Variants in PUS7 observed in about 807,000 individuals in gnomAD.
PUS7 encodes the protein pseudouridylate synthase 7 homolog.
PUS7 carries 48 observed loss-of-function variants against 79.8 expected under a neutral mutation model. The observed-to-expected ratio is 0.60, with a 90% CI of 0.48 to 0.76. The LOEUF (loss-of-function observed/expected upper bound fraction) is 0.76, where lower values mean the gene tolerates loss of function less well. Among genes scored for constraint, PUS7 ranks in the 30% least tolerant of loss-of-function variants. PUS7 has a pLI of 0.00. For synonymous variants in PUS7, 286 were observed against 272.2 expected, an observed-to-expected ratio of 1.05 and a Z score of -0.50; for missense variants, 729 against 797.6, an observed-to-expected ratio of 0.91 and a Z score of 1.04.
chr7:105,503,329 G>A (rs1201058139), intron 4 of PUS7, among the ~76,000 whole-genome samples: 1 of 152,148 alleles, frequency 6.6e-6, no homozygotes, highest in Non-Finnish European at 1.5e-5. Context: ...TGGTATGTGA[G>A]AAGCTCAGTC....
intron 1 of PUS7, among the ~76,000 whole-genome samples, chr7:105,511,315 G>A (rs916008052): frequency 6.6e-6 from 1 of 151,538 alleles, no homozygotes; most frequent in Non-Finnish European, 1.5e-5. Context: ...TTACAGGCGT[G>A]AGCCACCGCA....
chr7:105,463,759 G>T (rs1477003834), intron 13 of PUS7, among the ~76,000 whole-genome samples: 1 of 151,684 alleles, frequency 6.6e-6, no homozygotes, highest in Non-Finnish European at 1.5e-5. Flanking sequence ...TGAATATGAG[G>T]TGTCATACAT....
chr7:105,474,912 C>T (rs1172307417), intron 9 of PUS7, among the ~76,000 whole-genome samples: 10 of 152,194 alleles, frequency 6.6e-5, no homozygotes, highest in Non-Finnish European at 1.2e-4. Context: ...GCATATTGTC[C>T]ATGGCTGCTT....
intron 7 of PUS7, among the ~76,000 whole-genome samples, chr7:105,484,634 T>C (rs1229911916): frequency 2.0e-5 from 3 of 151,040 alleles, no homozygotes; most frequent in South Asian, 2.1e-4. Context: ...GCCTGGCCAA[T>C]ATGGTGAAAC....
chr7:105,467,077 C>T (rs1823679221), intron 12 of PUS7, among the ~76,000 whole-genome samples: 1 of 108,526 alleles, frequency 9.2e-6, no homozygotes, highest in Admixed American at 1.3e-4. Flanking sequence ...AGCTGTGGAA[C>T]TTTGGGCAAG....
At chr7:105,512,661 C>T (rs954747401) in intron 1 of PUS7, among the ~76,000 whole-genome samples, 2 of 152,172 alleles carry the variant, frequency 1.3e-5, no homozygotes, top group Admixed American at 6.6e-5. Context: ...TCTGGGGTTA[C>T]AGCTTGGGAG....
chr7:105,512,627 T>C (rs957835703), intron 1 of PUS7, among the ~76,000 whole-genome samples: 3 of 152,136 alleles, frequency 2.0e-5, no homozygotes, highest in African/African-American at 4.8e-5. Flanking sequence ...TCGCCCACTG[T>C]GGGGGTTAGA....
Position 105,482,407 on chromosome 7 carries a change from C to T in PUS7, c.954G>A (p.Lys318=), listed in dbSNP as rs372333814. The T allele has an allele frequency of 6.2e-7, 1 of 1,601,200 alleles. No homozygotes were observed. The highest frequency in any genetic ancestry group is 1.4e-5 in the African/African-American group (1 of 73,352). ...ITAQRLAHLN[K]CLMNFKLGNF... ...TCCCTAGCTTAAAGTTCATCAAGCACTTATTCAGGTGGGCAAGTCTTTGTG... is the reference window on the plus strand; with the variant it reads ...TCCCTAGCTTAAAGTTCATCAAGCATTTATTCAGGTGGGCAAGTCTTTGTG... Residue 318 remains lysine (K), a synonymous_variant, in exon 8 of 16, where the codon AAG becomes AAA. Coordinates refer to ENST00000469408, the MANE Select transcript of PUS7 (RefSeq NM_019042.5).
chr7:105,495,523 G>T (rs1442050545), intron 5 of PUS7, among the ~76,000 whole-genome samples: 2 of 151,306 alleles, frequency 1.3e-5, no homozygotes, highest in Non-Finnish European at 3.0e-5. Flanking sequence ...GGAGGCCAAG[G>T]CGGGCAAGAT....
At chr7:105,492,706 C>T (rs1174231086) in intron 6 of PUS7, among the ~76,000 whole-genome samples, 1 of 151,464 alleles carries the variant, frequency 6.6e-6, no homozygotes, top group Admixed American at 6.6e-5. Context: ...GGGGTTTCAC[C>T]GTTTTTTAGC....
intron 1 of PUS7, among the ~76,000 whole-genome samples, chr7:105,514,968 G>A: frequency 6.6e-6 from 1 of 152,016 alleles, no homozygotes; most frequent in East Asian, 1.9e-4. Context: ...CTAATTTTTT[G>A]TATTTTTAGT....
At chr7:105,468,495 CAT>C in intron 11 of PUS7, 32 bp from the exon 12 acceptor site, 1 of 1,545,616 alleles carries the variant, frequency 6.5e-7, no homozygotes. Flanking sequence ...GGCAAGAAAA[CAT>C]ATTCTAAATA....
At chr7:105,509,142 C>T (rs1241591164) in intron 1 of PUS7, among the ~76,000 whole-genome samples, 1 of 133,384 alleles carries the variant, frequency 7.5e-6, no homozygotes, top group East Asian at 2.2e-4. Flanking sequence ...AGAGATCGAG[C>T]CACTGCACTC....
intron 13 of PUS7, among the ~76,000 whole-genome samples, chr7:105,465,067 T>G (rs1208416735): frequency 1.3e-5 from 2 of 152,040 alleles, no homozygotes; most frequent in Admixed American, 6.6e-5. Flanking sequence ...GATCCACCCA[T>G]CTCAGCCTCC....
Position 105,489,359 on chromosome 7 carries a change from C to T in PUS7, c.920+2181G>A, listed in dbSNP as rs201151352. 7.9e-5 allele frequency among the ~76,000 whole-genome samples: 12 copies of T among 152,064 alleles called. No individual in the cohort carries two copies. The East Asian group carries it at 2.3e-3, about 29-fold the overall frequency. Reference sequence around the variant, plus strand: ...AGCCTGAGCCTTCAAACCCCTGTCCCCCTACCCCCATTCTTCTGAGTTTCT... The same window carrying T: ...AGCCTGAGCCTTCAAACCCCTGTCCTCCTACCCCCATTCTTCTGAGTTTCT... On this transcript the variant is annotated intron_variant, in intron 7 of 15. Transcript: ENST00000469408.
Position 105,485,165 on chromosome 7 carries a change from T to C in PUS7, c.921-2725A>G, listed in dbSNP as rs1260861869. ...CCACCACACCTGGTCAGAGATTCTT[T>C]TTTTTTTAATCTCAAATGTAAGTAG... On this transcript the variant is annotated intron_variant, in intron 7 of 15. Coordinates refer to ENST00000469408, the MANE Select transcript of PUS7 (RefSeq NM_019042.5). 4.0e-5 allele frequency among the ~76,000 whole-genome samples: 6 copies of C among 151,440 alleles called. No individual in the cohort carries two copies. The South Asian group carries it at 8.3e-4, about 21-fold the overall frequency.
chr7:105,508,502 G>C lies in PUS7; in HGVS notation c.11C>G (p.Thr4Arg). ...TTTCAGCGACACACCAGTCATTTCTGTCATCTCCATCTTTAAGGCTCCAAG... is the reference window on the plus strand; with the variant it reads ...TTTCAGCGACACACCAGTCATTTCTCTCATCTCCATCTTTAAGGCTCCAAG... MEM[T>R]EMTGVSLKRG... The change falls in exon 2 of 16, where the codon ACA (threonine) becomes AGA (arginine). Residue 4 changes from threonine (T) to arginine (R), a missense_variant. Coordinates refer to ENST00000469408, the MANE Select transcript of PUS7 (RefSeq NM_019042.5). The C allele has an allele frequency of 1.2e-6, 2 of 1,611,612 alleles. No individual in the cohort carries two copies. Among genetic ancestry groups the C allele is most frequent in the Non-Finnish European group, 8.5e-7 (1 of 1,178,772 alleles).
Position 105,495,248 on chromosome 7 carries a change from T to C in PUS7, c.736A>G (p.Arg246Gly). 1 of 1,581,358 alleles carries C rather than the reference T, an allele frequency of 6.3e-7. No individual in the cohort carries two copies. Among genetic ancestry groups the C allele is most frequent in the Non-Finnish European group, 8.7e-7 (1 of 1,152,232 alleles). ...CTAGATTTTGGCCAAGAATGTTTTC[T>C]TGGATCTTGAAAGCAAAAGAATTAA... is the stretch of plus-strand genomic sequence containing the variant. ...AAGKKALANP[R>G]KHSWPKSRGS... Residue 246 changes from arginine to glycine, a missense_variant, in exon 6 of 16, where the codon AGA (arginine) becomes GGA (glycine). Physicochemically the swap from Arg to Gly is moderately radical, Grantham distance 125. Transcript: ENST00000469408.
intron 8 of PUS7, 107 bp downstream of exon 8, chr7:105,482,205 G>A (rs1056928365): frequency 1.5e-6 from 2 of 1,339,466 alleles, no homozygotes; most frequent in Middle Eastern, 1.9e-4. Context: ...TGCCACTCCT[G>A]TTCTGTTAGT....
Sources: allele counts gnomAD v4.1 joint callset (sites outside exome capture counted in the v4.1 genomes callset), GRCh38; gene constraint gnomAD v4.1.1; transcripts MANE v1.5; gene names NCBI Gene and HGNC (gene_info 2026-07-23, HGNC 2026-07-21).